The following NEO1 variants were observed in gnomAD, a reference collection of about 807,000 sequenced individuals.
NEO1 encodes neogenin.
NEO1 carries 63 observed loss-of-function variants against 159.7 expected under a neutral mutation model. The observed-to-expected ratio is 0.39, with a 90% CI of 0.32 to 0.49. The LOEUF is 0.49. NEO1 is among the 20% of genes least tolerant of loss of function. The probability of loss-of-function intolerance (pLI) is 0.85; values close to 1 mark genes in which losing one functional copy is unlikely to be tolerated. For missense variants in NEO1, 1,615 were observed against 1,831.0 expected, an observed-to-expected ratio of 0.88 and a Z score of 2.15; for synonymous variants, 633 against 662.0, an observed-to-expected ratio of 0.96 and a Z score of 0.67.
intron 7 of NEO1, among the ~76,000 whole-genome samples, chr15:73,227,784 G>A (rs939031185): frequency 9.9e-5 from 15 of 152,150 alleles, no homozygotes; most frequent in Admixed American, 3.3e-4. Context: ...TATGAACAAA[G>A]GTATAAAAGC....
intron 13 of NEO1, 66 bp from the exon 14 acceptor site, chr15:73,258,700 G>A: frequency 7.5e-7 from 1 of 1,331,304 alleles, no homozygotes; most frequent in Non-Finnish European, 1.1e-6. Flanking sequence ...CCTTAATGAG[G>A]GATTATTAAT....
chr15:73,110,352 C>T (rs2070911417), intron 1 of NEO1, among the ~76,000 whole-genome samples: 1 of 152,168 alleles, frequency 6.6e-6, no homozygotes, highest in Non-Finnish European at 1.5e-5. Flanking sequence ...TGCTACTTAT[C>T]CTTCTGCCCT....
chr15:73,250,116 T>G (rs936593724), intron 11 of NEO1, among the ~76,000 whole-genome samples: 23 of 152,134 alleles, frequency 1.5e-4, no homozygotes, highest in Non-Finnish European at 3.4e-4. Context: ...TCTTTCTAGT[T>G]CCTCCGTATT....
At position 73,260,434 on chromosome 15, in the gene NEO1, T is replaced by C. The variant is rs754594128; in HGVS notation, c.2367T>C (p.Tyr789=). The change falls in exon 15 of 29, where the codon TAT becomes TAC. Residue 789 remains tyrosine (Y), a synonymous_variant. Coordinates refer to ENST00000261908, the MANE Select transcript of NEO1 (RefSeq NM_002499.4). The stretch of plus-strand genomic sequence containing the variant: ...ATGCCCAGACCATCAAAGTGGACTA[T>C]AAACAGCGCTATTACACCATTGAAA... ...SPHAQTIKVD[Y]KQRYYTIENL... 6.2e-7 allele frequency: 1 copy of C among 1,613,632 alleles called. No individual in the cohort carries two copies. The highest frequency in any genetic ancestry group is 8.5e-7 in the Non-Finnish European group (1 of 1,179,648).
chr15:73,175,725 G>T (rs1455864482), intron 5 of NEO1, among the ~76,000 whole-genome samples: 12 of 152,176 alleles, frequency 7.9e-5, no homozygotes, highest in African/African-American at 2.7e-4. Flanking sequence ...ATATCATTAG[G>T]TAGGATGCTG....
intron 1 of NEO1, among the ~76,000 whole-genome samples, chr15:73,095,260 T>G (rs2069945345): frequency 6.6e-6 from 1 of 152,152 alleles, no homozygotes; most frequent in Non-Finnish European, 1.5e-5. Flanking sequence ...TGGCTTGTTT[T>G]TTAAATAACC....
chr15:73,137,786 T>G (rs192104343), intron 5 of NEO1, among the ~76,000 whole-genome samples: 136 of 152,304 alleles, frequency 8.9e-4, no homozygotes, highest in African/African-American at 3.1e-3. Context: ...CATGAGCCAC[T>G]GTGCCTAGCC....
chr15:73,215,211 T>C (rs1596362193), intron 7 of NEO1, among the ~76,000 whole-genome samples: 1 of 152,344 alleles, frequency 6.6e-6, no homozygotes, highest in South Asian at 2.1e-4. Flanking sequence ...TAAACTATCA[T>C]ATCATCAGCA....
chr15:73,258,998 C>G, intron 14 of NEO1, 122 bp downstream of exon 14: 5 of 753,254 alleles, frequency 6.6e-6, no homozygotes, highest in South Asian at 3.3e-5. Context: ...TAGTGCATCA[C>G]GCTGCTGTTG....
rs117399995 is a variant in NEO1 at position 73,171,242 on chromosome 15, C to T, written c.1016-5161C>T. The stretch of plus-strand genomic sequence containing the variant: ...AACACCAGTGAATGCACCTTGTTTG[C>T]CCAATTTGAATAAAGTAGATCATTT... On this transcript the variant is annotated intron_variant, in intron 5 of 28. Coordinates refer to ENST00000261908, the MANE Select transcript of NEO1 (RefSeq NM_002499.4). Among the ~76,000 whole-genome samples the T allele has an allele frequency of 7.4e-3, 1,121 of 152,062 alleles. 15 individuals carry two copies. The highest frequency in any genetic ancestry group is 0.049 in the East Asian group (255 of 5,156).
intron 1 of NEO1, among the ~76,000 whole-genome samples, chr15:73,055,714 A>T (rs865989762): frequency 3.9e-5 from 6 of 152,076 alleles, no homozygotes; most frequent in Admixed American, 6.5e-5. Flanking sequence ...CTTCATCCCC[A>T]TTCTCTAAAC....
At position 73,083,183 on chromosome 15, in the gene NEO1, GAA is replaced by G. The variant is rs550905954; in HGVS notation, c.130+30380_130+30381del. Among the ~76,000 whole-genome samples, 7 of 152,308 alleles carry G rather than the reference GAA, an allele frequency of 4.6e-5. No individual in the cohort carries two copies. In the South Asian group the frequency reaches 1.5e-3, roughly 32 times the overall value. ...AAGCAGTGTCAGATCAGATTAATGAGAAATGAATTGGAGCAGGGCAAAACTGA... is the reference window on the plus strand; with the variant it reads ...AAGCAGTGTCAGATCAGATTAATGAGATGAATTGGAGCAGGGCAAAACTGA... On this transcript the variant is annotated intron_variant, in intron 1 of 28. Coordinates refer to ENST00000261908, the MANE Select transcript of NEO1 (RefSeq NM_002499.4).
intron 2 of NEO1, among the ~76,000 whole-genome samples, chr15:73,119,659 A>C (rs922981492): frequency 1.3e-5 from 2 of 152,192 alleles, no homozygotes; most frequent in Non-Finnish European, 2.9e-5. Flanking sequence ...CCTTCTTGGG[A>C]GCGCAGGAAG....
intron 7 of NEO1, among the ~76,000 whole-genome samples, chr15:73,204,553 G>A (rs1013516122): frequency 1.3e-5 from 2 of 151,656 alleles, no homozygotes; most frequent in African/African-American, 2.4e-5. Context: ...CCACACCCAC[G>A]TTGAATCTAC....
intron 26 of NEO1, among the ~76,000 whole-genome samples, chr15:73,293,993 A>G (rs978416536): frequency 5.3e-5 from 8 of 152,240 alleles, no homozygotes; most frequent in African/African-American, 1.9e-4. Context: ...ACCAAAGTGC[A>G]AACAACATCC....
Position 73,123,018 on chromosome 15 carries a change from A to G in NEO1, c.724+218A>G, listed in dbSNP as rs144198094. Among the ~76,000 whole-genome samples the G allele has an allele frequency of 9.8e-3, 1,486 of 152,192 alleles. 32 individuals carry two copies. Among genetic ancestry groups the G allele is most frequent in the African/African-American group, 0.034 (1,412 of 41,536 alleles). On this transcript the variant is annotated intron_variant, in intron 3 of 28. Transcript: ENST00000261908. ...CTAAAAATACAAAAATTAGCCAGAC[A>G]TGGTGGCAGGCGCTTATAACTCCAG... is the stretch of plus-strand genomic sequence containing the variant.
chr15:73,165,601 A>G (rs568187971), intron 5 of NEO1, among the ~76,000 whole-genome samples: 3 of 152,280 alleles, frequency 2.0e-5, no homozygotes, highest in South Asian at 2.1e-4. Context: ...CAGTGTAGCA[A>G]TCTCTTGTGA....
At chr15:73,234,114 T>C (rs1384857474) in intron 7 of NEO1, among the ~76,000 whole-genome samples, 1 of 152,150 alleles carries the variant, frequency 6.6e-6, no homozygotes, top group Non-Finnish European at 1.5e-5. Flanking sequence ...GTTTGGTGAG[T>C]TGGGTCAGAA....
chr15:73,298,327 A>T, intron 26 of NEO1, 21 bp from the exon 27 acceptor site: 4 of 1,612,644 alleles, frequency 2.5e-6, no homozygotes, highest in Non-Finnish European at 3.4e-6. Flanking sequence ...AAATGCTAAC[A>T]TTTAGACTTT....
Sources: allele counts gnomAD v4.1 joint callset (sites outside exome capture counted in the v4.1 genomes callset), GRCh38; gene constraint gnomAD v4.1.1; transcripts MANE v1.5; gene names NCBI Gene and HGNC (gene_info 2026-07-23, HGNC 2026-07-21).